The following CACNA1D variants were observed in gnomAD, a reference collection of about 807,000 sequenced individuals.
CACNA1D encodes the protein voltage-dependent L-type calcium channel subunit alpha-1D.
Under a neutral mutation model 257.1 loss-of-function variants are expected in CACNA1D, and 55 were observed. That is an observed-to-expected ratio of 0.21 (90% CI 0.17 to 0.27). The LOEUF (loss-of-function observed/expected upper bound fraction) is 0.27, where lower values mean the gene tolerates loss of function less well. CACNA1D is among the 10% of genes least tolerant of loss of function. The pLI is 1.00. For missense variants in CACNA1D, 1,876 were observed against 2,784.0 expected (o/e 0.67, Z 7.34); for synonymous variants, 980 against 1,014.9 (o/e 0.97, Z 0.65).
chr3:53,773,580 G>A (rs1355992912), intron 33 of CACNA1D: 1 of 152,430 alleles, frequency 6.6e-6, no homozygotes, highest in East Asian at 1.9e-4. Context: ...TGCAGGTGCT[G>A]TCTTTCAGGT....
At chr3:53,744,888 C>T (rs2095152920) in intron 23 of CACNA1D, 61 bp downstream of exon 23, 1 of 900,684 alleles carries the variant, frequency 1.1e-6, no homozygotes, top group African/African-American at 1.6e-5. Context: ...TAATTACTGG[C>T]TCTTCTGGGC....
intron 3 of CACNA1D, among the ~76,000 whole-genome samples, chr3:53,614,935 A>G (rs939346895): frequency 1.3e-5 from 2 of 152,234 alleles, no homozygotes; most frequent in Non-Finnish European, 2.9e-5. Flanking sequence ...TACACACTAA[A>G]TTGTACTTCA....
intron 8 of CACNA1D, among the ~76,000 whole-genome samples, chr3:53,694,264 C>T (rs935044781): frequency 1.3e-5 from 2 of 152,166 alleles, no homozygotes; most frequent in African/African-American, 4.8e-5. Flanking sequence ...CTGGCTGGGT[C>T]TGGGGCAAGG....
chr3:53,499,958 G>C (rs561250770), intron 2 of CACNA1D, among the ~76,000 whole-genome samples: 1 of 151,938 alleles, frequency 6.6e-6, no homozygotes, highest in East Asian at 1.9e-4. Context: ...TAGATGAGTT[G>C]AGAGAACCAA....
At chr3:53,700,055 TTATAAAATGTATATAATTA>T (rs2108574897) in intron 8 of CACNA1D, among the ~76,000 whole-genome samples, 1 of 148,646 alleles carries the variant, frequency 6.7e-6, no homozygotes, top group Non-Finnish European at 1.5e-5. Flanking sequence ...TAATTATACA[TTATAAAATGTATATAATTA>T]TATAATTTAA....
chr3:53,553,923 A>G (rs1033989291), intron 3 of CACNA1D, among the ~76,000 whole-genome samples: 5 of 151,522 alleles, frequency 3.3e-5, no homozygotes, highest in South Asian at 4.2e-4. Flanking sequence ...TGGGCTGGGC[A>G]TGGTGGCTCA....
intron 40 of CACNA1D, among the ~76,000 whole-genome samples, chr3:53,787,266 T>C (rs186354801): frequency 3.0e-4 from 46 of 152,270 alleles, no homozygotes; most frequent in Admixed American, 2.1e-3. Flanking sequence ...GGCACCCACC[T>C]TCCCCACAGC....
chr3:53,512,077 C>G lies in CACNA1D; in HGVS notation c.483+10357C>G, dbSNP rs545414896. On this transcript the variant is annotated intron_variant, in intron 3 of 47. Coordinates refer to ENST00000350061, the MANE Select transcript of CACNA1D (RefSeq NM_001128840.3). The stretch of plus-strand genomic sequence containing the variant: ...CAGCTTAAATGGGTAAAATGCTGCC[C>G]TTTTATGTCAGTAATTAGCCCCTTG... Among the ~76,000 whole-genome samples, 15 of 152,244 alleles carry G rather than the reference C, an allele frequency of 9.9e-5. No homozygotes were observed. In the South Asian group the frequency reaches 2.9e-3, roughly 29 times the overall value.
intron 7 of CACNA1D, among the ~76,000 whole-genome samples, chr3:53,669,537 T>C (rs1165378407): frequency 6.6e-6 from 1 of 152,242 alleles, no homozygotes; most frequent in East Asian, 1.9e-4. Flanking sequence ...TGCGGGTCAT[T>C]GTTTTGCATC....
intron 23 of CACNA1D, 22 bp from the exon 24 acceptor site, chr3:53,745,602 C>T (rs376510141): frequency 2.0e-5 from 30 of 1,528,030 alleles, no homozygotes; most frequent in East Asian, 1.8e-4. Context: ...AGAAGAGTCA[C>T]GCCCCTCTGC....
chr3:53,522,690 G>A (rs911723316), intron 3 of CACNA1D, among the ~76,000 whole-genome samples: 1 of 152,204 alleles, frequency 6.6e-6, no homozygotes, highest in Non-Finnish European at 1.5e-5. Context: ...TGGGGTACAT[G>A]TGCTATTTTG....
rs566069594 is a variant in CACNA1D, at chr3:53,772,255, A to G, written c.4045-578A>G. Among the ~76,000 whole-genome samples, 139 of 152,196 alleles carry G rather than the reference A, an allele frequency of 9.1e-4. 2 individuals are homozygous for G. Among genetic ancestry groups the G allele is most frequent in the African/African-American group, 3.2e-3 (134 of 41,532 alleles). On this transcript the variant is annotated intron_variant, in intron 32 of 47. Transcript: ENST00000350061. ...TTAGCAGTTCTTTCAGAAGGTGTAC[A>G]TCTTAAGAGAGGTATTTTGCATCCT...
At chr3:53,572,617 C>T (rs2092968186) in intron 3 of CACNA1D, among the ~76,000 whole-genome samples, 1 of 152,092 alleles carries the variant, frequency 6.6e-6, no homozygotes. Flanking sequence ...CCAGGCTGGT[C>T]TCGAACTCAT....
chr3:53,655,309 T>G (rs766896035), intron 4 of CACNA1D, among the ~76,000 whole-genome samples: 2 of 152,178 alleles, frequency 1.3e-5, no homozygotes, highest in African/African-American at 2.4e-5. Context: ...GTAGAATGGT[T>G]TATTTTTCTC....
intron 36 of CACNA1D, 52 bp downstream of exon 36, chr3:53,776,782 AG>A: frequency 6.2e-7 from 1 of 1,614,158 alleles, no homozygotes; most frequent in Non-Finnish European, 8.5e-7. Context: ...TTGGAATGTC[AG>A]CTTTTTTTGT....
intron 3 of CACNA1D, among the ~76,000 whole-genome samples, chr3:53,599,041 G>A (rs2093408363): frequency 6.6e-6 from 1 of 151,162 alleles, no homozygotes; most frequent in Admixed American, 6.6e-5. Context: ...CCATAGGTGT[G>A]TTCCTGATGA....
intron 10 of CACNA1D, among the ~76,000 whole-genome samples, chr3:53,719,404 T>G (rs1220050706): frequency 6.6e-6 from 1 of 152,238 alleles, no homozygotes; most frequent in East Asian, 1.9e-4. Context: ...GGACTCCTAG[T>G]GCAGTGCTCC....
In CACNA1D at chr3:53,781,606, A is replaced by G. The variant is rs1238629719; in HGVS notation, c.4731A>G (p.Ile1577Met). 1 of 1,614,106 alleles carries G rather than the reference A, an allele frequency of 6.2e-7. No individual in the cohort carries two copies. ...CTAATGAAGAACTTCGGGCTGTGAT[A>G]AAGAAAATTTGGAAGAAAACCAGCA... ...EQANEELRAV[I>M]KKIWKKTSMK... Residue 1577 changes from isoleucine (I) to methionine (M), a missense_variant, in exon 39 of 48, where the codon ATA becomes ATG. By Grantham distance (10) the Ile-to-Met change is conservative. Transcript: ENST00000350061.
In CACNA1D at chr3:53,811,396, C is replaced by T; in HGVS notation, c.6476C>T (p.Thr2159Ile). The T allele has an allele frequency of 5.1e-6, 8 of 1,567,294 alleles. No homozygotes were observed. The highest frequency in any genetic ancestry group is 6.9e-6 in the Non-Finnish European group (8 of 1,154,082). ...CTGGCGGATGAAATGATATGCATCA[C>T]CACCTTGTAGCCCCCAGCGAGGGGC... ...EDLADEMICI[T>I]TL Residue 2159 changes from threonine to isoleucine, a missense_variant, in exon 48 of 48, where the codon ACC becomes ATC. By Grantham distance (89) the Thr-to-Ile change is moderately conservative (BLOSUM62 -1). Transcript: ENST00000350061. The surrounding 1 kb of genome is among the most constrained non-coding windows in gnomAD (Gnocchi z 4.2).
Sources: gnomAD v4.1 joint callset for allele counts (sites outside exome capture counted in the v4.1 genomes callset) on GRCh38, gnomAD v4.1.1 for gene constraint, Gnocchi (gnomAD v3.1) non-coding constraint, MANE v1.5 for transcripts, NCBI Gene and HGNC (gene_info 2026-07-23, HGNC 2026-07-21) for gene names.